The following CLEC16A variants were observed in gnomAD, a reference collection of about 807,000 sequenced individuals.
The protein encoded by CLEC16A is protein CLEC16A.
CLEC16A carries 51 observed loss-of-function variants against 109.5 expected under a neutral mutation model. That is an observed-to-expected ratio of 0.47 (90% CI 0.37 to 0.59). CLEC16A has a LOEUF of 0.59. Among genes scored for constraint, CLEC16A ranks in the 20% least tolerant of loss-of-function variants. The pLI, the probability that CLEC16A is intolerant of heterozygous loss-of-function variation, is 0.00. For missense variants in CLEC16A, 1,339 were observed against 1,394.0 expected, an observed-to-expected ratio of 0.96 and a Z score of 0.63; for synonymous variants, 673 against 564.2, an observed-to-expected ratio of 1.19 and a Z score of -2.73.
At chr16:11,091,623 A>G (rs1187660647) in intron 19 of CLEC16A, among the ~76,000 whole-genome samples, 1 of 152,100 alleles carries the variant, frequency 6.6e-6, no homozygotes, top group African/African-American at 2.4e-5. Flanking sequence ...CATTCAAGCT[A>G]CCTCTGCTGC....
chr16:10,987,625 A>G (rs536345373), intron 10 of CLEC16A, among the ~76,000 whole-genome samples: 5 of 152,194 alleles, frequency 3.3e-5, no homozygotes, highest in African/African-American at 4.8e-5. Flanking sequence ...CTCAGTGTGA[A>G]GTTGAAGTTG....
chr16:11,119,611 C>G (rs760252940), intron 19 of CLEC16A, among the ~76,000 whole-genome samples: 1 of 151,984 alleles, frequency 6.6e-6, no homozygotes, highest in Non-Finnish European at 1.5e-5. Context: ...AGGCTAGTCT[C>G]CAACTCCTGA....
chr16:11,178,627 C>G lies in CLEC16A; in HGVS notation c.3099C>G (p.Ala1033=), dbSNP rs1298681928. 28 of 1,596,110 alleles carry G rather than the reference C, an allele frequency of 1.8e-5. No individual in the cohort carries two copies. The highest frequency in any genetic ancestry group is 2.2e-5 in the Non-Finnish European group (26 of 1,175,066). ...CCCCGCTGTCCACGCCGGCTGCCGCCTGCACAGAGCCCGTGGGCGAAGAGG... is the reference window on the plus strand; with the variant it reads ...CCCCGCTGTCCACGCCGGCTGCCGCGTGCACAGAGCCCGTGGGCGAAGAGG... The part of the protein sequence containing the change: ...GMPPLSTPAA[A]CTEPVGEEAA... The change falls in exon 24 of 24, where the codon GCC becomes GCG. Residue 1033 remains alanine, a synonymous_variant. Coordinates refer to ENST00000409790, the MANE Select transcript of CLEC16A (RefSeq NM_015226.3). The surrounding 1 kb of genome is among the most constrained non-coding windows in gnomAD (Gnocchi z 6.5).
intron 18 of CLEC16A, among the ~76,000 whole-genome samples, chr16:11,058,671 A>G (rs1349062988): frequency 1.3e-5 from 2 of 152,184 alleles, no homozygotes; most frequent in African/African-American, 4.8e-5. Context: ...TTGCAAGGCA[A>G]AAGCAGATAT....
intron 1 of CLEC16A, among the ~76,000 whole-genome samples, chr16:10,957,166 C>T (rs950250942): frequency 2.0e-5 from 3 of 152,212 alleles, no homozygotes. Context: ...GGGCTGCAAA[C>T]CACCCAGATC....
chr16:11,099,198 C>G (rs1203275127), intron 19 of CLEC16A, among the ~76,000 whole-genome samples: 1 of 152,200 alleles, frequency 6.6e-6, no homozygotes, highest in African/African-American at 2.4e-5. Context: ...CCGGGTTTGC[C>G]AGGACAGGTC....
intron 18 of CLEC16A, among the ~76,000 whole-genome samples, chr16:11,059,061 T>C (rs913806877): frequency 2.0e-5 from 3 of 152,198 alleles, no homozygotes; most frequent in African/African-American, 7.2e-5. Context: ...TGTCATACAT[T>C]CCTGAGTTCA....
chr16:11,007,063 T>C (rs962219036), intron 11 of CLEC16A, among the ~76,000 whole-genome samples: 1 of 152,226 alleles, frequency 6.6e-6, no homozygotes, highest in Non-Finnish European at 1.5e-5. Flanking sequence ...TTATCTCTTT[T>C]GGAATTTACT....
At chr16:11,043,221 C>G (rs772691670) in intron 15 of CLEC16A, among the ~76,000 whole-genome samples, 6 of 151,984 alleles carry the variant, frequency 3.9e-5, no homozygotes, top group South Asian at 2.1e-4. Context: ...GAAGTTGAGA[C>G]TAGTCTGGAC....
rs866800294 is a variant in CLEC16A, at chr16:11,118,031, G to A, written c.2117-2584G>A. On this transcript the variant is annotated intron_variant, in intron 19 of 23. Coordinates refer to ENST00000409790, the MANE Select transcript of CLEC16A (RefSeq NM_015226.3). ...CTTTTGTCACCTAGGCTACAGTGCA[G>A]TGGTACACTCATGGCTCACTGCAGC... Among the ~76,000 whole-genome samples, 3 of 151,968 alleles carry A rather than the reference G, an allele frequency of 2.0e-5. No individual in the cohort carries two copies. The South Asian group carries it at 6.2e-4, about 32-fold the overall frequency.
chr16:10,995,533 T>A (rs947166034), intron 10 of CLEC16A, among the ~76,000 whole-genome samples: 5 of 152,212 alleles, frequency 3.3e-5, no homozygotes, highest in African/African-American at 7.2e-5. Flanking sequence ...TGACTGTTCT[T>A]TAAAAGCCCC....
chr16:10,989,474 A>T (rs113120936), intron 10 of CLEC16A, among the ~76,000 whole-genome samples: 1 of 151,950 alleles, frequency 6.6e-6, no homozygotes, highest in African/African-American at 2.4e-5. Flanking sequence ...GGCTCAAACA[A>T]TTCACCCACC....
At position 10,957,836 on chromosome 16, in the gene CLEC16A, C is replaced by G; in HGVS notation, c.135C>G (p.Asn45Lys). The G allele has an allele frequency of 1.9e-6, 3 of 1,613,708 alleles. No individual in the cohort carries two copies. Among genetic ancestry groups the G allele is most frequent in the Non-Finnish European group, 1.7e-6 (2 of 1,179,608 alleles). The change falls in exon 2 of 24, where the codon AAC becomes AAG. Residue 45 changes from asparagine to lysine, a missense_variant. By Grantham distance (94) the Asn-to-Lys change is moderately conservative. Coordinates refer to ENST00000409790, the MANE Select transcript of CLEC16A (RefSeq NM_015226.3). ...KNTTVTEQNRNLLVETIRSIT... is the reference protein window; with the variant it reads ...KNTTVTEQNRKLLVETIRSIT... Reference sequence around the variant, plus strand: ...CCACAGTCACAGAACAGAACCGGAACCTGCTAGTGGAGACCATCCGTTCCA... The same window carrying G: ...CCACAGTCACAGAACAGAACCGGAAGCTGCTAGTGGAGACCATCCGTTCCA...
At chr16:11,022,961 C>T (rs1454545617) in intron 12 of CLEC16A, among the ~76,000 whole-genome samples, 1 of 148,544 alleles carries the variant, frequency 6.7e-6, no homozygotes, top group Non-Finnish European at 1.5e-5. Flanking sequence ...GCTTTCGAAA[C>T]ATCGTTTCTT....
At chr16:11,099,479 A>G (rs750316628) in intron 19 of CLEC16A, among the ~76,000 whole-genome samples, 2 of 152,268 alleles carry the variant, frequency 1.3e-5, no homozygotes, top group African/African-American at 2.4e-5. Context: ...ATTGAAATGC[A>G]AATAGCCACA....
At chr16:10,984,287 C>T (rs909047280) in intron 10 of CLEC16A, among the ~76,000 whole-genome samples, 5 of 152,146 alleles carry the variant, frequency 3.3e-5, no homozygotes, top group African/African-American at 7.2e-5. Context: ...GGAGCATTAG[C>T]GCCTCTGAAA....
chr16:11,016,076 TATTATAA>T (rs1360588427), intron 11 of CLEC16A, among the ~76,000 whole-genome samples: 1 of 152,236 alleles, frequency 6.6e-6, no homozygotes, highest in African/African-American at 2.4e-5. Context: ...AAAATTTATG[TATTATAA>T]ATTATATATA....
intron 22 of CLEC16A, among the ~76,000 whole-genome samples, chr16:11,134,063 T>A (rs1042522226): frequency 6.6e-6 from 1 of 152,038 alleles, no homozygotes. Context: ...TTTCAGCAGG[T>A]CAGAAAGTGG....
At position 10,982,357 on chromosome 16, in the gene CLEC16A, G is replaced by A. The variant is rs140253062; in HGVS notation, c.958-521G>A. ...CTCCTGACGATGCTGTGGAATCCCC[G>A]TGTGCTAAAACCCACCACAGGGTCA... On this transcript the variant is annotated intron_variant, in intron 9 of 23. Transcript: ENST00000409790. 5.5e-3 allele frequency among the ~76,000 whole-genome samples: 840 copies of A among 152,172 alleles called. 2 individuals carry two copies. The highest frequency in any genetic ancestry group is 0.019 in the African/African-American group (808 of 41,512).
Sources: allele counts gnomAD v4.1 joint callset (sites outside exome capture counted in the v4.1 genomes callset), GRCh38; gene constraint gnomAD v4.1.1; non-coding constraint Gnocchi (gnomAD v3.1); transcripts MANE v1.5; gene names NCBI Gene and HGNC (gene_info 2026-07-23, HGNC 2026-07-21).